Variants in ZMIZ1 observed in about 807,000 individuals in gnomAD.
The protein encoded by ZMIZ1 is zinc finger MIZ-type containing 1.
In ZMIZ1, 17 loss-of-function variants were observed where a neutral mutation model predicts 113.9. The observed-to-expected ratio is 0.15, with a 90% CI of 0.10 to 0.22. ZMIZ1 has a LOEUF of 0.22. Among genes scored for constraint, ZMIZ1 ranks in the 10% least tolerant of loss-of-function variants. The pLI is 1.00. For missense variants in ZMIZ1, 1,059 were observed against 1,477.8 expected, an observed-to-expected ratio of 0.72 and a Z score of 4.65; for synonymous variants, 607 against 603.1, an observed-to-expected ratio of 1.01 and a Z score of -0.09.
At chr10:79,301,328 G>A (rs1021032740) in intron 17 of ZMIZ1, among the ~76,000 whole-genome samples, 1 of 152,114 alleles carries the variant, frequency 6.6e-6, no homozygotes, top group Non-Finnish European at 1.5e-5. Context: ...GTCATTGTCA[G>A]CACCTTTTCC....
chr10:79,273,679 G>A (rs1019696010), intron 7 of ZMIZ1, among the ~76,000 whole-genome samples: 13 of 152,376 alleles, frequency 8.5e-5, no homozygotes, highest in Admixed American at 8.5e-4. Context: ...GTTTCTGACA[G>A]GCAGAAGGCC....
intron 4 of ZMIZ1, among the ~76,000 whole-genome samples, chr10:79,182,403 G>A (rs1375217028): frequency 1.3e-5 from 2 of 152,138 alleles, no homozygotes; most frequent in Non-Finnish European, 1.5e-5. Context: ...GCAGACCCCC[G>A]AGAGGGCCTG....
intron 7 of ZMIZ1, among the ~76,000 whole-genome samples, chr10:79,254,232 G>A (rs1295271441): frequency 6.6e-6 from 1 of 152,206 alleles, no homozygotes; most frequent in Admixed American, 6.5e-5. Context: ...GCACATCTCA[G>A]GGTGGCCTGT....
chr10:79,194,700 C>T (rs1049808779), intron 4 of ZMIZ1, among the ~76,000 whole-genome samples: 14 of 152,366 alleles, frequency 9.2e-5, no homozygotes, highest in Admixed American at 7.2e-4. Context: ...TCCCCACCTC[C>T]GCTTCCCACC....
intron 6 of ZMIZ1, among the ~76,000 whole-genome samples, chr10:79,212,938 G>C (rs1266040110): frequency 6.6e-6 from 1 of 152,088 alleles, no homozygotes; most frequent in African/African-American, 2.4e-5. Context: ...TAGTTTCCCT[G>C]TCTGTGGCGT....
At chr10:79,149,597 A>T (rs1301186113) in intron 3 of ZMIZ1, among the ~76,000 whole-genome samples, 2 of 152,130 alleles carry the variant, frequency 1.3e-5, no homozygotes, top group Admixed American at 1.3e-4. Context: ...AGGCATGCCA[A>T]GTCAGGGTGG....
At chr10:79,231,742 C>G (rs1483188573) in intron 7 of ZMIZ1, among the ~76,000 whole-genome samples, 1 of 151,978 alleles carries the variant, frequency 6.6e-6, no homozygotes, top group Non-Finnish European at 1.5e-5. Context: ...CCACGCCTGG[C>G]TAAAATACAA....
intron 8 of ZMIZ1, among the ~76,000 whole-genome samples, chr10:79,286,569 C>G (rs1198144134): frequency 1.3e-5 from 2 of 152,276 alleles, no homozygotes; most frequent in Non-Finnish European, 2.9e-5. Flanking sequence ...CAGGGCCTCG[C>G]GTGTGTGCAC....
At chr10:79,224,029 C>A (rs1250590) in intron 7 of ZMIZ1, among the ~76,000 whole-genome samples, 52,361 of 152,096 alleles carry the variant, frequency 0.34, 10,414 homozygotes, top group Non-Finnish European at 0.47. Context: ...GATGTGGAAA[C>A]AACTTCCAGG....
At chr10:79,095,995 G>A (rs891893279) in intron 1 of ZMIZ1, among the ~76,000 whole-genome samples, 1 of 152,204 alleles carries the variant, frequency 6.6e-6, no homozygotes, top group African/African-American at 2.4e-5. Flanking sequence ...CTGTTTTATA[G>A]GGGAGGTAAT....
intron 1 of ZMIZ1, among the ~76,000 whole-genome samples, chr10:79,100,896 C>T (rs1377451597): frequency 1.3e-5 from 2 of 152,144 alleles, no homozygotes; most frequent in Admixed American, 1.3e-4. Context: ...TCCCTGGGTG[C>T]CTGCTAAACG....
chr10:79,234,070 T>G (rs1589456606), intron 7 of ZMIZ1, among the ~76,000 whole-genome samples: 1 of 152,242 alleles, frequency 6.6e-6, no homozygotes, highest in African/African-American at 2.4e-5. Flanking sequence ...TGAATGCCAA[T>G]CTAAGGAGCT....
At chr10:79,079,809 C>T (rs1842598955) in intron 1 of ZMIZ1, among the ~76,000 whole-genome samples, 1 of 152,256 alleles carries the variant, frequency 6.6e-6, no homozygotes, top group Non-Finnish European at 1.5e-5. Context: ...CCCGCCCAGT[C>T]CCTCTTCTAG....
intron 1 of ZMIZ1, among the ~76,000 whole-genome samples, chr10:79,112,795 G>T (rs1231382440): frequency 6.6e-6 from 1 of 152,202 alleles, no homozygotes; most frequent in Non-Finnish European, 1.5e-5. Flanking sequence ...GGGAGGGAGG[G>T]TTCCTTTATA....
At chr10:79,268,203 T>C (rs1006802284) in intron 7 of ZMIZ1, among the ~76,000 whole-genome samples, 1 of 152,208 alleles carries the variant, frequency 6.6e-6, no homozygotes, top group African/African-American at 2.4e-5. Context: ...GGGCTGTGGC[T>C]GGCCCCCACG....
In ZMIZ1 at chr10:79,158,842, A is replaced by G. The variant is rs536691976; in HGVS notation, c.-130-3211A>G. Reference sequence around the variant, plus strand: ...CTGAGACTCAGCCTTGTCACTTTCCAGCTGGACACCTCTGGCAGCCCCATC... The same window carrying G: ...CTGAGACTCAGCCTTGTCACTTTCCGGCTGGACACCTCTGGCAGCCCCATC... On this transcript the variant is annotated intron_variant, in intron 3 of 24. Coordinates refer to ENST00000334512, the MANE Select transcript of ZMIZ1 (RefSeq NM_020338.4). Among the ~76,000 whole-genome samples the G allele has an allele frequency of 5.4e-4, 82 of 152,338 alleles. 1 individual carries two copies. The highest frequency in any genetic ancestry group is 1.9e-3 in the African/African-American group (79 of 41,588).
intron 2 of ZMIZ1, among the ~76,000 whole-genome samples, chr10:79,120,034 G>A (rs1844220129): frequency 6.7e-6 from 1 of 149,710 alleles, no homozygotes; most frequent in Non-Finnish European, 1.5e-5. Context: ...GTGGCGTGGA[G>A]AGGGTTCAGA....
chr10:79,258,396 A>AAAG (rs548249650), intron 7 of ZMIZ1, among the ~76,000 whole-genome samples: 5 of 152,236 alleles, frequency 3.3e-5, no homozygotes, highest in African/African-American at 4.8e-5. Flanking sequence ...AAAGAAAAAA[A>AAAG]AAGAAGAAGA....
chr10:79,168,163 C>T (rs1399298109), intron 4 of ZMIZ1, among the ~76,000 whole-genome samples: 4 of 152,196 alleles, frequency 2.6e-5, no homozygotes, highest in African/African-American at 9.7e-5. Flanking sequence ...TTATGATCTA[C>T]CTCTTGTTTG....
Sources: gnomAD v4.1 joint callset for allele counts (sites outside exome capture counted in the v4.1 genomes callset) on GRCh38, gnomAD v4.1.1 for gene constraint, MANE v1.5 for transcripts, NCBI Gene and HGNC (gene_info 2026-07-23, HGNC 2026-07-21) for gene names.